PAFAH2: variants seen among roughly 807,000 people sequenced by gnomAD.
PAFAH2 encodes platelet activating factor acetylhydrolase 2, also known as platelet-activating factor acetylhydrolase 2, cytoplasmic.
In PAFAH2, 42 loss-of-function variants were observed where a neutral mutation model predicts 49.0. The ratio of observed to expected loss-of-function variants is 0.86; its 90% CI spans 0.67 to 1.11. The LOEUF is 1.11. PAFAH2 is among the 50% of genes least tolerant of loss of function. PAFAH2 has a pLI of 0.00. For missense variants in PAFAH2, 503 were observed against 501.8 expected (o/e 1.00, Z -0.02); for synonymous variants, 184 against 181.3 (o/e 1.01, Z -0.12).
At chr1:25,985,024 T>A (rs139293625) in intron 4 of PAFAH2, among the ~76,000 whole-genome samples, 3,524 of 151,952 alleles carry the variant, frequency 0.023, 128 homozygotes, top group African/African-American at 0.077. Flanking sequence ...CCGGCTAATT[T>A]TTTTTTGTAT....
At chr1:25,987,128 G>A (rs897027150) in intron 4 of PAFAH2, among the ~76,000 whole-genome samples, 2 of 151,622 alleles carry the variant, frequency 1.3e-5, no homozygotes, top group Non-Finnish European at 2.9e-5. Flanking sequence ...CCAGCTACTT[G>A]GAGGCTGAGG....
intron 10 of PAFAH2, among the ~76,000 whole-genome samples, chr1:25,964,966 C>CA (rs2049398315): frequency 6.6e-6 from 1 of 152,050 alleles, no homozygotes; most frequent in South Asian, 2.1e-4. Context: ...CAACCTTAAG[C>CA]AAAAAGAACA....
intron 6 of PAFAH2, among the ~76,000 whole-genome samples, chr1:25,983,574 C>CA (rs2049728824): frequency 6.9e-6 from 1 of 145,116 alleles, no homozygotes; most frequent in Non-Finnish European, 1.5e-5. Context: ...AAAAAAAAAA[C>CA]AACTTATGGT....
chr1:25,989,479 G>A lies in PAFAH2; in HGVS notation c.213C>T (p.Arg71=). ...CCAGGTTGAACAGCAAGCCCCCGCA[G>A]CGCTTATTAAACTGCAGGTACTCGG... ...GLAEYLQFNK[R]CGGLLFNLAV... is the part of the protein sequence containing the mutation. The change falls in exon 3 of 11, where the codon CGC becomes CGT. Residue 71 remains arginine (R), a synonymous_variant. Transcript: ENST00000374282. 6.2e-7 allele frequency: 1 copy of A among 1,609,736 alleles called. No individual in the cohort carries two copies. The highest frequency in any genetic ancestry group is 8.5e-7 in the Non-Finnish European group (1 of 1,177,794).
In PAFAH2 at chr1:25,961,891, G is replaced by T; in HGVS notation, c.*98C>A. 1.3e-6 allele frequency: 1 copy of T among 758,886 alleles called. No homozygotes were observed. Among genetic ancestry groups the T allele is most frequent in the South Asian group, 1.7e-5 (1 of 59,996 alleles). 47.0% of individuals were successfully genotyped at this position (758,886 alleles called of 1,614,324 possible). A position where few individuals can be genotyped will look rare whatever the true frequency, so the allele number is the denominator to read the frequency against. On this transcript the variant is annotated 3_prime_UTR_variant, in exon 11 of 11. Coordinates refer to ENST00000374282, the MANE Select transcript of PAFAH2 (RefSeq NM_000437.4). ...TACACCTTTCAATCTGTGAAAAGGGGTCACGTTGATCACTTCTTGATAGGA... is the reference window on the plus strand; with the variant it reads ...TACACCTTTCAATCTGTGAAAAGGGTTCACGTTGATCACTTCTTGATAGGA...
intron 9 of PAFAH2, 83 bp from the exon 10 acceptor site, chr1:25,972,795 G>A: frequency 7.3e-7 from 1 of 1,368,994 alleles, no homozygotes; most frequent in Non-Finnish European, 1.0e-6. Flanking sequence ...TGTGCAAGGT[G>A]CTTTTCATGT....
chr1:25,977,228 T>C (rs1165223326), intron 7 of PAFAH2, among the ~76,000 whole-genome samples: 2 of 150,808 alleles, frequency 1.3e-5, no homozygotes, highest in East Asian at 4.0e-4. Flanking sequence ...CTCGATCTCC[T>C]GACCTCGTGA....
At position 25,984,085 on chromosome 1, in the gene PAFAH2, T is replaced by A; in HGVS notation, c.413A>T (p.Asp138Val). ...GAAATAGGTGGTTGCCGCTGACCGG[T>A]CCCTGAAATACACACATCATCAGAG... Reference protein sequence around the residue: ...GFVVAVPEHRDRSAATTYFCK... With the variant: ...GFVVAVPEHRVRSAATTYFCK... The change falls in exon 6 of 11, where the codon GAC (aspartate) becomes GTC (valine). Residue 138 changes from aspartate to valine, a missense_variant and splice_region_variant. Physicochemically the swap from Asp to Val is radical, Grantham distance 152 (BLOSUM62 -3). Transcript: ENST00000374282. The A allele has an allele frequency of 6.2e-7, 1 of 1,613,936 alleles. No homozygotes were observed. Among genetic ancestry groups the A allele is most frequent in the Non-Finnish European group, 8.5e-7 (1 of 1,179,908 alleles).
In PAFAH2 at chr1:25,972,545, G is replaced by A. The variant is rs745755835; in HGVS notation, c.1084+13C>T. On this transcript the variant is annotated intron_variant, in intron 10 of 10. Coordinates refer to ENST00000374282, the MANE Select transcript of PAFAH2 (RefSeq NM_000437.4). Reference sequence around the variant, plus strand: ...CCCCACAGCTGCCCCAAGAGCCCCAGTTTTCTCCTTACCGAGGTGCTTCTG... The same window carrying A: ...CCCCACAGCTGCCCCAAGAGCCCCAATTTTCTCCTTACCGAGGTGCTTCTG... The A allele has an allele frequency of 2.5e-6, 4 of 1,611,048 alleles. No homozygotes were observed. In the Admixed American group the frequency reaches 6.7e-5, roughly 27 times the overall value.
chr1:25,985,021 A>AT (rs978440771), intron 4 of PAFAH2, among the ~76,000 whole-genome samples: 2 of 150,664 alleles, frequency 1.3e-5, no homozygotes, highest in East Asian at 2.0e-4. Flanking sequence ...TGCCCGGCTA[A>AT]TTTTTTTTTG....
chr1:25,990,721 A>G lies in PAFAH2; in HGVS notation c.90+6T>C, dbSNP rs763954352. Reference sequence around the variant, plus strand: ...AAACAGAAGAAAGGGAGCTGGGGACACTTACCTGGAGATTCTGACCCTCCA... The same window carrying G: ...AAACAGAAGAAAGGGAGCTGGGGACGCTTACCTGGAGATTCTGACCCTCCA... On this transcript the variant is annotated splice_donor_region_variant and intron_variant, in intron 2 of 10. Coordinates refer to ENST00000374282, the MANE Select transcript of PAFAH2 (RefSeq NM_000437.4). 89 of 1,611,474 alleles carry G rather than the reference A, an allele frequency of 5.5e-5. No homozygotes were observed. In the East Asian group the frequency reaches 5.8e-4, roughly 10 times the overall value.
chr1:25,971,418 G>A (rs1429936), intron 10 of PAFAH2, among the ~76,000 whole-genome samples: 79,650 of 151,810 alleles, frequency 0.52, 24,626 homozygotes, highest in East Asian at 0.7. Flanking sequence ...AAAGGATGCC[G>A]CAAGCTAAAG....
intron 7 of PAFAH2, among the ~76,000 whole-genome samples, chr1:25,977,346 A>T (rs539592814): frequency 6.6e-6 from 1 of 150,678 alleles, no homozygotes; most frequent in Non-Finnish European, 1.5e-5. Flanking sequence ...GGACCAGGGC[A>T]GACATTCAAA....
intron 10 of PAFAH2, among the ~76,000 whole-genome samples, chr1:25,971,691 C>T (rs904468382): frequency 6.6e-6 from 1 of 152,122 alleles, no homozygotes; most frequent in Admixed American, 6.5e-5. Context: ...ACAAACTCCC[C>T]TTTTTTTCTC....
At chr1:25,977,212 C>T (rs527562245) in intron 7 of PAFAH2, among the ~76,000 whole-genome samples, 5 of 150,070 alleles carry the variant, frequency 3.3e-5, no homozygotes, top group African/African-American at 4.9e-5. Context: ...TTAGTAGAGA[C>T]GGGGTCTCGA....
Position 25,996,287 on chromosome 1 carries a change from C to T in PAFAH2, c.-48+1738G>A, listed in dbSNP as rs534268518. Reference sequence around the variant, plus strand: ...GGCTGAGGTAGGAGGATTGCTGGGGCTTGGGAGCCGGAGGCCACAGTGAAC... The same window carrying T: ...GGCTGAGGTAGGAGGATTGCTGGGGTTTGGGAGCCGGAGGCCACAGTGAAC... On this transcript the variant is annotated intron_variant, in intron 1 of 10. Coordinates refer to ENST00000374282, the MANE Select transcript of PAFAH2 (RefSeq NM_000437.4). Among the ~76,000 whole-genome samples, 47 of 152,254 alleles carry T rather than the reference C, an allele frequency of 3.1e-4. 2 individuals are homozygous for T. The South Asian group carries it at 9.5e-3, about 31-fold the overall frequency.
chr1:25,984,090 GA>G lies in PAFAH2; in HGVS notation c.411-4del. 6.2e-7 allele frequency: 1 copy of G among 1,613,916 alleles called. No homozygotes were observed. The highest frequency in any genetic ancestry group is 8.5e-7 in the Non-Finnish European group (1 of 1,179,886). On this transcript the variant is annotated splice_polypyrimidine_tract_variant and splice_region_variant and intron_variant, in intron 5 of 10. Coordinates refer to ENST00000374282, the MANE Select transcript of PAFAH2 (RefSeq NM_000437.4). ...AGGTGGTTGCCGCTGACCGGTCCCTGAAATACACACATCATCAGAGAGAAAC... is the reference window on the plus strand; with the variant it reads ...AGGTGGTTGCCGCTGACCGGTCCCTGAATACACACATCATCAGAGAGAAAC...
intron 1 of PAFAH2, among the ~76,000 whole-genome samples, chr1:25,997,172 C>G (rs148790971): frequency 2.8e-3 from 431 of 152,328 alleles, no homozygotes; most frequent in Non-Finnish European, 4.5e-3. Context: ...TGCTTCCTTT[C>G]AGACAAAGCT....
At chr1:25,987,687 A>G (rs1175301761) in intron 4 of PAFAH2, among the ~76,000 whole-genome samples, 1 of 151,166 alleles carries the variant, frequency 6.6e-6, no homozygotes, top group Non-Finnish European at 1.5e-5. Flanking sequence ...CAAGATCAGC[A>G]TGGGCAACAC....
Sources: gnomAD v4.1 joint callset for allele counts (sites outside exome capture counted in the v4.1 genomes callset) on GRCh38, gnomAD v4.1.1 for gene constraint, MANE v1.5 for transcripts, NCBI Gene and HGNC (gene_info 2026-07-23, HGNC 2026-07-21) for gene names.